Variants in PRH1 observed in about 807,000 individuals in gnomAD.
PRH1 encodes proline rich protein HaeIII subfamily 1.
Under a neutral mutation model 7.9 loss-of-function variants are expected in PRH1, and 7 were observed. The ratio of observed to expected loss-of-function variants is 0.89; its 90% CI spans 0.50 to 1.67. The LOEUF is 1.67. PRH1 is among the 40% of genes most tolerant of loss of function. The pLI is 0.00. For synonymous variants in PRH1, 45 were observed against 80.8 expected (o/e 0.56, Z 2.38); for missense variants, 109 against 223.6 (o/e 0.49, Z 3.27).
intron 2 of PRH1, chr12:10,938,133 G>A (rs1195477212): frequency 3.5e-5 from 23 of 664,944 alleles, no homozygotes; most frequent in Non-Finnish European, 5.3e-5. Context: ...TTTGGATGGT[G>A]TTGATTCCAA....
At chr12:10,918,759 T>C (rs1268817376) in intron 2 of PRH1, among the ~76,000 whole-genome samples, 5 of 152,208 alleles carry the variant, frequency 3.3e-5, no homozygotes, top group Non-Finnish European at 7.4e-5. Context: ...CATTTTACCA[T>C]AGTACTATAC....
chr12:11,120,246 G>C (rs1945855765), downstream of PRH1, among the ~76,000 whole-genome samples: 1 of 152,174 alleles, frequency 6.6e-6, no homozygotes. Flanking sequence ...CTAAAGTAAT[G>C]TGTTTTGTTG....
At position 11,133,319 on chromosome 12, in the gene PRH1, T is replaced by C. The variant is rs1199025126; in HGVS notation, n.40-12139A>G. ...ACACAATGCCCCTCTTGTGAATCTA[T>C]GGAGACGAAGGCTTCTGTCTTTCAC... On this transcript the variant is annotated intron_variant and non_coding_transcript_variant, in intron 1 of 1. Coordinates refer to the PRH1 transcript ENST00000541175. 1.2e-5 allele frequency: 20 copies of C among 1,613,396 alleles called. No individual in the cohort carries two copies. The East Asian group carries it at 1.3e-4, about 11-fold the overall frequency.
intron 1 of PRH1, among the ~76,000 whole-genome samples, chr12:11,084,481 AG>A (rs1441322747): frequency 6.7e-6 from 1 of 148,676 alleles, no homozygotes; most frequent in Non-Finnish European, 1.5e-5. Context: ...CTGGGTCTTC[AG>A]ATGTGATCCA....
chr12:10,918,931 C>T (rs1293027012), intron 2 of PRH1, among the ~76,000 whole-genome samples: 1 of 151,500 alleles, frequency 6.6e-6, no homozygotes, highest in Non-Finnish European at 1.5e-5. Context: ...TATTATTTAC[C>T]TTTCTATATT....
At chr12:11,163,050 G>T (rs146823578) in intron 1 of PRH1, among the ~76,000 whole-genome samples, 172 of 152,218 alleles carry the variant, frequency 1.1e-3, no homozygotes, top group African/African-American at 4.0e-3. Context: ...GTTCTATATT[G>T]TTTAAGAATG....
At chr12:10,929,304 C>G (rs779413113) in intron 2 of PRH1, 1 of 1,614,156 alleles carries the variant, frequency 6.2e-7, no homozygotes, top group South Asian at 1.1e-5. Context: ...AGTGGCCCTG[C>G]TGGCCTTCAG....
chr12:10,943,009 C>T (rs1950427770), intron 2 of PRH1, among the ~76,000 whole-genome samples: 1 of 152,200 alleles, frequency 6.6e-6, no homozygotes, highest in South Asian at 2.1e-4. Context: ...GGCAGAGGAT[C>T]TCCCTTTCCC....
chr12:10,967,047 G>C (rs891991416), intron 2 of PRH1, among the ~76,000 whole-genome samples: 1 of 151,332 alleles, frequency 6.6e-6, no homozygotes, highest in Non-Finnish European at 1.5e-5. Flanking sequence ...CCCCGGAGGC[G>C]GAGCTTGCAG....
chr12:11,141,678 A>G (rs535609703), intron 1 of PRH1, among the ~76,000 whole-genome samples: 24 of 152,342 alleles, frequency 1.6e-4, no homozygotes, highest in Non-Finnish European at 8.8e-5. Flanking sequence ...TACTATTTGT[A>G]TAACTGCTTT....
At chr12:11,108,885 C>T (rs929441865) in intron 1 of PRH1, among the ~76,000 whole-genome samples, 1 of 152,216 alleles carries the variant, frequency 6.6e-6, no homozygotes, top group Non-Finnish European at 1.5e-5. Context: ...GTGGATCCCA[C>T]CTCCTTGGAG....
At chr12:10,917,393 T>A (rs943127550) in intron 2 of PRH1, among the ~76,000 whole-genome samples, 1 of 152,220 alleles carries the variant, frequency 6.6e-6, no homozygotes, top group Non-Finnish European at 1.5e-5. Flanking sequence ...GTCCATTAAT[T>A]CCATTGCTCA....
chr12:10,928,592 G>A (rs550182498), intron 2 of PRH1, among the ~76,000 whole-genome samples: 1 of 152,112 alleles, frequency 6.6e-6, no homozygotes, highest in Non-Finnish European at 1.5e-5. Flanking sequence ...CAGCACCAAC[G>A]CTTGCCTGAG....
chr12:10,928,825 C>T (rs915532765), intron 2 of PRH1, among the ~76,000 whole-genome samples: 46 of 152,312 alleles, frequency 3.0e-4, no homozygotes, highest in Non-Finnish European at 6.0e-4. Context: ...GACATATTGA[C>T]CGTCTTCACT....
chr12:11,115,415 C>G (rs184546098), intron 1 of PRH1, among the ~76,000 whole-genome samples: 4 of 143,832 alleles, frequency 2.8e-5, no homozygotes, highest in Admixed American at 2.8e-4. Flanking sequence ...TACTATTAGA[C>G]CAAAGCAAAG....
In PRH1 at chr12:10,986,104, T is replaced by C. The variant is rs559654107; in HGVS notation, c.-125-12383A>G. 57 of 1,613,998 alleles carry C rather than the reference T, an allele frequency of 3.5e-5. 1 individual carries two copies. The South Asian group carries it at 5.9e-4, about 17-fold the overall frequency. ...ACAACCGGGTCATTCCGCAGCCTCC[T>C]AGGACTCCAAACCGAAACGATTAGG... On this transcript the variant is annotated intron_variant, in intron 1 of 3. Transcript: ENST00000539853.
chr12:10,930,757 A>T (rs1049112), intron 2 of PRH1: 25 of 1,511,306 alleles, frequency 1.7e-5, no homozygotes, highest in Admixed American at 5.3e-5. Context: ...TGGGAACCAG[A>T]ATGATGGCCC....
chr12:10,977,943 T>C (rs1041096114), intron 1 of PRH1, among the ~76,000 whole-genome samples: 53 of 152,200 alleles, frequency 3.5e-4, no homozygotes, highest in African/African-American at 1.3e-3. Context: ...TCCGAGCTCA[T>C]GGATAGAAAG....
At chr12:11,060,056 T>C (rs181349713) in intron 1 of PRH1, among the ~76,000 whole-genome samples, 3 of 152,120 alleles carry the variant, frequency 2.0e-5, no homozygotes, top group African/African-American at 7.2e-5. Flanking sequence ...CTGAGGAAGA[T>C]ACATGATTTT....
Sources: allele counts gnomAD v4.1 joint callset (sites outside exome capture counted in the v4.1 genomes callset), GRCh38; gene constraint gnomAD v4.1.1; transcripts MANE v1.5; gene names NCBI Gene and HGNC (gene_info 2026-07-23, HGNC 2026-07-21).